Variants in LRP10 observed in about 807,000 individuals in gnomAD.
The protein encoded by LRP10 is LDL receptor related protein 10.
In LRP10, 42 loss-of-function variants were observed where a neutral mutation model predicts 58.5. That is an observed-to-expected ratio of 0.72 (90% CI 0.56 to 0.93). LRP10 has a LOEUF of 0.93. Among genes scored for constraint, LRP10 ranks in the 40% least tolerant of loss-of-function variants. The probability of loss-of-function intolerance (pLI) is 0.00; values close to 1 mark genes in which losing one functional copy is unlikely to be tolerated. For synonymous variants in LRP10, 377 were observed against 388.5 expected (o/e 0.97, Z 0.35); for missense variants, 872 against 940.1 (o/e 0.93, Z 0.95).
rs750213393 is a variant in LRP10 at position 22,875,635 on chromosome 14, C to T, written c.687C>T (p.Gly229=). 3.7e-6 allele frequency: 6 copies of T among 1,614,026 alleles called. No individual in the cohort carries two copies. Among genetic ancestry groups the T allele is most frequent in the African/African-American group, 2.7e-5 (2 of 74,910 alleles). ...ATTGGCTGCTGGACCCCCATGATGG[C>T]CGGCGGCTGGCCGTGCGCTTCACAG... ...SCHWLLDPHD[G]RRLAVRFTAL... The change falls in exon 5 of 7, where the codon GGC becomes GGT. Residue 229 remains glycine, a synonymous_variant. Transcript: ENST00000359591.
chr14:22,872,419 C>G, intron 1 of LRP10, 82 bp downstream of exon 1: 1 of 1,504,712 alleles, frequency 6.6e-7, no homozygotes, highest in Non-Finnish European at 9.2e-7. Context: ...GCCCCGCACT[C>G]TATCCTGCCT....
intron 2 of LRP10, 183 bp from the exon 3 acceptor site, chr14:22,873,127 AG>A: frequency 1.5e-6 from 1 of 679,760 alleles, no homozygotes; most frequent in Non-Finnish European, 2.5e-6. Context: ...GAAGCTATGA[AG>A]AATGTGGAGA....
intron 5 of LRP10, 113 bp downstream of exon 5, chr14:22,876,485 G>A (rs1279640158): frequency 2.9e-6 from 4 of 1,402,402 alleles, no homozygotes; most frequent in African/African-American, 2.8e-5. Context: ...CCCATGATCA[G>A]CTTGTCAGTT....
At position 22,875,172 on chromosome 14, in the gene LRP10, C is replaced by T. The variant is rs753106259; in HGVS notation, c.333C>T (p.Asn111=). The T allele has an allele frequency of 1.2e-5, 19 of 1,613,460 alleles. 1 individual carries two copies. Among genetic ancestry groups the T allele is most frequent in the East Asian group, 8.9e-5 (4 of 44,888 alleles). ...PPSPLQLPGG[N]VTITYSYAGA... is the part of the protein sequence containing the mutation. ...GCCCTCTGCAGCTGCCCGGGGGCAA[C>T]GTCACCATCACTTACAGCTATGCTG... The change falls in exon 4 of 7, where the codon AAC becomes AAT. Residue 111 remains asparagine (N), a synonymous_variant. Transcript: ENST00000359591.
rs1377326699 is a variant in LRP10, at chr14:22,875,891, T to C, written c.943T>C (p.Cys315Arg). ...RGYCLPWDRP[C>R]GLGSGLGAGE... ...CTATTGCTTGCCTTGGGACAGACCC[T>C]GTGGCTTAGGCTCTGGCCTGGGAGC... is the stretch of plus-strand genomic sequence containing the variant. Residue 315 changes from cysteine to arginine, a missense_variant, in exon 5 of 7, where the codon TGT (cysteine) becomes CGT (arginine). By Grantham distance (180) the Cys-to-Arg change is radical. Transcript: ENST00000359591. The C allele has an allele frequency of 1.9e-6, 3 of 1,613,448 alleles. No individual in the cohort carries two copies. Among genetic ancestry groups the C allele is most frequent in the Non-Finnish European group, 2.5e-6 (3 of 1,179,562 alleles).
At chr14:22,876,841 A>G (rs954681132) in intron 6 of LRP10, 23 bp downstream of exon 6, 6 of 1,611,374 alleles carry the variant, frequency 3.7e-6, no homozygotes, top group African/African-American at 2.7e-5. Context: ...CCACAACCCT[A>G]GCACCTCCTG....
chr14:22,877,607 C>T lies in LRP10; in HGVS notation c.*80C>T. 1 of 1,077,530 alleles carries T rather than the reference C, an allele frequency of 9.3e-7. No homozygotes were observed. Among genetic ancestry groups the T allele is most frequent in the Non-Finnish European group, 1.3e-6 (1 of 776,048 alleles). 66.7% of individuals were successfully genotyped at this position (1,077,530 alleles called of 1,614,324 possible). On this transcript the variant is annotated 3_prime_UTR_variant, in exon 7 of 7. Transcript: ENST00000359591. The surrounding 1 kb of genome is among the most constrained non-coding windows in gnomAD (Gnocchi z 5.1). ...CACAACCTTTTAGAGGTGGGTCAGC[C>T]TCCCCTCCACCACTTCCTTCCCTGT...
chr14:22,875,971 A>C lies in LRP10; in HGVS notation c.1023A>C (p.Ser341=). Residue 341 remains serine (S), a synonymous_variant, in exon 5 of 7, where the codon TCA becomes TCC. Transcript: ENST00000359591. The part of the protein sequence containing the change: ...CYSEAQRCDG[S]WDCADGTDEE... ...GTGAGGCACAGCGCTGTGACGGCTCATGGGACTGTGCTGACGGCACAGATG... is the reference window on the plus strand; with the variant it reads ...GTGAGGCACAGCGCTGTGACGGCTCCTGGGACTGTGCTGACGGCACAGATG... The C allele has an allele frequency of 6.2e-7, 1 of 1,613,536 alleles. No individual in the cohort carries two copies. The highest frequency in any genetic ancestry group is 8.5e-7 in the Non-Finnish European group (1 of 1,180,028).
rs1429972299 is a variant in LRP10 at position 22,875,337 on chromosome 14, TCC to T, written c.407-17_407-16del. 1.1e-5 allele frequency: 18 copies of T among 1,603,050 alleles called. No homozygotes were observed. Among genetic ancestry groups the T allele is most frequent in the Non-Finnish European group, 1.4e-5 (16 of 1,172,430 alleles). On this transcript the variant is annotated splice_polypyrimidine_tract_variant and intron_variant, in intron 4 of 6. Transcript: ENST00000359591. ...GGGTTCTGGTGCTTCACAGCCCCTC[TCC>T]ATGGTGCCTCTGCAGATTGGCTGAT...
chr14:22,872,233 G>T lies in LRP10; in HGVS notation c.-71G>T. The T allele has an allele frequency of 6.4e-7, 1 of 1,562,506 alleles. No individual in the cohort carries two copies. The highest frequency in any genetic ancestry group is 1.1e-5 in the South Asian group (1 of 90,058). ...GCACCAGGGAGCCTGGGCGCCCGGG[G>T]CTCCGCCGCGACCCCATCGGGTAGA... On this transcript the variant is annotated 5_prime_UTR_variant, in exon 1 of 7. Coordinates refer to ENST00000359591, the MANE Select transcript of LRP10 (RefSeq NM_014045.5).
In LRP10 at chr14:22,872,234, C is replaced by T; in HGVS notation, c.-70C>T. 6.4e-7 allele frequency: 1 copy of T among 1,564,340 alleles called. No individual in the cohort carries two copies. Among genetic ancestry groups the T allele is most frequent in the Non-Finnish European group, 8.8e-7 (1 of 1,134,784 alleles). On this transcript the variant is annotated 5_prime_UTR_variant, in exon 1 of 7. Transcript: ENST00000359591. The stretch of plus-strand genomic sequence containing the variant: ...CACCAGGGAGCCTGGGCGCCCGGGG[C>T]TCCGCCGCGACCCCATCGGGTAGAC...
rs1466384549 is a variant in LRP10 at position 22,879,662 on chromosome 14, A to G, written c.*2135A>G. ...AATGCTGGAAGGAGGACTTTAGGGC[A>G]GAGTTCACTAAGGAGGCTTGTGCTT... is the stretch of plus-strand genomic sequence containing the variant. On this transcript the variant is annotated 3_prime_UTR_variant, in exon 7 of 7. Coordinates refer to ENST00000359591, the MANE Select transcript of LRP10 (RefSeq NM_014045.5). 6.2e-6 allele frequency: 1 copy of G among 161,126 alleles called. No homozygotes were observed. The highest frequency in any genetic ancestry group is 1.4e-5 in the Non-Finnish European group (1 of 72,634). 10.0% of individuals were successfully genotyped at this position (161,126 alleles called of 1,614,324 possible).
chr14:22,878,824 G>C lies in LRP10; in HGVS notation c.*1297G>C, dbSNP rs1281765477. The stretch of plus-strand genomic sequence containing the variant: ...GCAGCGGCCAGAGCTGCAGCGCTGG[G>C]GTGGGTGATGGAGGGAATGATTCGC... On this transcript the variant is annotated 3_prime_UTR_variant, in exon 7 of 7. Coordinates refer to ENST00000359591, the MANE Select transcript of LRP10 (RefSeq NM_014045.5). 1 of 220,006 alleles carries C rather than the reference G, an allele frequency of 4.5e-6. No individual in the cohort carries two copies. Among genetic ancestry groups the C allele is most frequent in the Non-Finnish European group, 9.7e-6 (1 of 102,722 alleles). The allele number at this position is 220,006 out of a possible 1,614,324, so 13.6% of individuals were successfully genotyped here. A position where few individuals can be genotyped will look rare whatever the true frequency, so the allele number is the denominator to read the frequency against.
At position 22,877,630 on chromosome 14, in the gene LRP10, T is replaced by G; in HGVS notation, c.*103T>G. 1.2e-6 allele frequency: 1 copy of G among 854,830 alleles called. No homozygotes were observed. Among genetic ancestry groups the G allele is most frequent in the Non-Finnish European group, 1.7e-6 (1 of 576,318 alleles). 53.0% of individuals were successfully genotyped at this position (854,830 alleles called of 1,614,324 possible). A position where few individuals can be genotyped will look rare whatever the true frequency, so the allele number is the denominator to read the frequency against. ...GCCTCCCCTCCACCACTTCCTTCCCTGTCCCTGGATTTCAGGGACTTGGTG... is the reference window on the plus strand; with the variant it reads ...GCCTCCCCTCCACCACTTCCTTCCCGGTCCCTGGATTTCAGGGACTTGGTG... On this transcript the variant is annotated 3_prime_UTR_variant, in exon 7 of 7. Transcript: ENST00000359591. This position sits in a 1 kb window ranked among gnomAD's most constrained non-coding sequence, Gnocchi z 5.1.
intron 1 of LRP10, 21 bp from the exon 2 acceptor site, chr14:22,872,717 C>T (rs1362558567): frequency 6.2e-7 from 1 of 1,613,458 alleles, no homozygotes; most frequent in Non-Finnish European, 8.5e-7. Flanking sequence ...ACGCTCCTGC[C>T]CTTTCTCGTT....
In LRP10 at chr14:22,878,889, A is replaced by T; in HGVS notation, c.*1362A>T. On this transcript the variant is annotated 3_prime_UTR_variant, in exon 7 of 7. Transcript: ENST00000359591. The stretch of plus-strand genomic sequence containing the variant: ...CCCAGCCCCTAGTGAGCAAAGTGAC[A>T]GAAGCTGCCCCAGAGTTTGGAAGGA... The T allele has an allele frequency of 3.7e-6, 1 of 273,674 alleles. No individual in the cohort carries two copies. The highest frequency in any genetic ancestry group is 3.5e-5 in the South Asian group (1 of 28,806). 17.0% of individuals were successfully genotyped at this position (273,674 alleles called of 1,614,324 possible).
chr14:22,873,158 G>A, intron 2 of LRP10, 153 bp from the exon 3 acceptor site: 1 of 851,238 alleles, frequency 1.2e-6, no homozygotes. Context: ...AAGCTAGAAG[G>A]CTGTAACTCT....
Position 22,877,488 on chromosome 14 carries a change from G to T in LRP10, c.2103G>T (p.Val701=). 1 of 1,610,386 alleles carries T rather than the reference G, an allele frequency of 6.2e-7. No homozygotes were observed. Among genetic ancestry groups the T allele is most frequent in the African/African-American group, 1.3e-5 (1 of 75,006 alleles). ...VLLVPLAEPG[V]WVAEAEDEPL... ...TGGTGCCACTGGCTGAGCCGGGGGT[G>T]TGGGTAGCTGAGGCAGAGGATGAGC... The change falls in exon 7 of 7, where the codon GTG becomes GTT. Residue 701 remains valine, a synonymous_variant. Coordinates refer to ENST00000359591, the MANE Select transcript of LRP10 (RefSeq NM_014045.5). The surrounding 1 kb of genome is among the most constrained non-coding windows in gnomAD (Gnocchi z 5.1).
rs765344470 is a variant in LRP10, at chr14:22,875,858, G to A, written c.910G>A (p.Val304Met). 1 of 1,613,952 alleles carries A rather than the reference G, an allele frequency of 6.2e-7. No homozygotes were observed. The highest frequency in any genetic ancestry group is 1.1e-5 in the South Asian group (1 of 91,088). Residue 304 changes from valine to methionine, a missense_variant, in exon 5 of 7, where the codon GTG becomes ATG. By Grantham distance (21) the Val-to-Met change is conservative. Coordinates refer to ENST00000359591, the MANE Select transcript of LRP10 (RefSeq NM_014045.5). ...TCGTGGCTTCAATGCCACCTACCAT[G>A]TGCGGGGCTATTGCTTGCCTTGGGA... Reference protein sequence around the residue: ...NGRGFNATYHVRGYCLPWDRP... With the variant: ...NGRGFNATYHMRGYCLPWDRP...
Sources: gnomAD v4.1 joint callset for allele counts on GRCh38, gnomAD v4.1.1 for gene constraint, Gnocchi (gnomAD v3.1) non-coding constraint, MANE v1.5 for transcripts, NCBI Gene and HGNC (gene_info 2026-07-23, HGNC 2026-07-21) for gene names.